Variants in AFG1L observed in about 807,000 individuals in gnomAD.
AFG1L encodes AFG1-like ATPase.
AFG1L carries 53 observed loss-of-function variants against 62.2 expected under a neutral mutation model. That is an observed-to-expected ratio of 0.85 (90% CI 0.68 to 1.07). The LOEUF is 1.07. Ranked by LOEUF, AFG1L falls within the 50% of genes least tolerant of loss-of-function variation. AFG1L has a pLI of 0.00. For missense variants in AFG1L, 555 were observed against 590.5 expected (o/e 0.94, Z 0.62); for synonymous variants, 228 against 210.3 (o/e 1.08, Z -0.73).
At position 108,484,799 on chromosome 6, in the gene AFG1L, A is replaced by G. The variant is rs746576170; in HGVS notation, c.1062+7507A>G. On this transcript the variant is annotated intron_variant, in intron 10 of 12. Transcript: ENST00000368977. ...TTATATGAATTTATTTTGTTCTGAT[A>G]TTTTATACATAAAAGAAAAAGTGAA... is the stretch of plus-strand genomic sequence containing the variant. 1.3e-4 allele frequency among the ~76,000 whole-genome samples: 20 copies of G among 152,306 alleles called. 1 individual carries two copies. The Middle Eastern group carries it at 0.024, about 181-fold the overall frequency.
chr6:108,381,072 C>T (rs1016442571), intron 6 of AFG1L, among the ~76,000 whole-genome samples: 4 of 152,218 alleles, frequency 2.6e-5, no homozygotes, highest in Non-Finnish European at 5.9e-5. Context: ...AGGCTGAAAG[C>T]CGCTAATCCA....
intron 8 of AFG1L, among the ~76,000 whole-genome samples, chr6:108,474,469 C>T (rs1038765799): frequency 2.0e-5 from 3 of 152,132 alleles, no homozygotes; most frequent in African/African-American, 2.4e-5. Context: ...TACTGTCTTC[C>T]ACAATGGTTG....
intron 1 of AFG1L, among the ~76,000 whole-genome samples, chr6:108,298,714 G>A (rs2114812354): frequency 6.6e-6 from 1 of 152,304 alleles, no homozygotes; most frequent in South Asian, 2.1e-4. Context: ...AGATGTCTAA[G>A]CTCAGTGGGA....
chr6:108,397,885 G>A (rs1582514606), intron 6 of AFG1L, among the ~76,000 whole-genome samples: 1 of 152,040 alleles, frequency 6.6e-6, no homozygotes, highest in East Asian at 1.9e-4. Flanking sequence ...TCAAAATCTT[G>A]GTTATTGTGA....
At chr6:108,422,943 A>G (rs1770667366) in intron 7 of AFG1L, among the ~76,000 whole-genome samples, 1 of 152,050 alleles carries the variant, frequency 6.6e-6, no homozygotes. Flanking sequence ...CATTTGTAGA[A>G]TAAAGTAGCC....
At chr6:108,316,367 C>T (rs1777596742) in intron 1 of AFG1L, among the ~76,000 whole-genome samples, 2 of 83,380 alleles carry the variant, frequency 2.4e-5, no homozygotes, top group Non-Finnish European at 4.1e-5. Context: ...GGCGACAGAG[C>T]GAGACTCCGT....
chr6:108,401,296 C>T lies in AFG1L; in HGVS notation c.749-700C>T, dbSNP rs958081852. ...TAGCTGGGACTAGAGGCGCCCGCCA[C>T]CGCGCCCGGCTAATTTTTTGTATTT... On this transcript the variant is annotated intron_variant, in intron 6 of 12. Transcript: ENST00000368977. Among the ~76,000 whole-genome samples, 16 of 151,836 alleles carry T rather than the reference C, an allele frequency of 1.1e-4. No individual in the cohort carries two copies. In the East Asian group the frequency reaches 1.7e-3, roughly 17 times the overall value.
At chr6:108,492,237 C>A (rs987894586) in intron 10 of AFG1L, among the ~76,000 whole-genome samples, 1 of 152,172 alleles carries the variant, frequency 6.6e-6, no homozygotes, top group African/African-American at 2.4e-5. Flanking sequence ...CCTGACCTTG[C>A]ACTATGCAGC....
intron 10 of AFG1L, among the ~76,000 whole-genome samples, chr6:108,490,308 C>G (rs911331425): frequency 6.6e-6 from 1 of 152,050 alleles, no homozygotes; most frequent in East Asian, 1.9e-4. Flanking sequence ...TGTAGTGAGC[C>G]GAAATCACGC....
intron 7 of AFG1L, among the ~76,000 whole-genome samples, chr6:108,426,971 G>C (rs529827894): frequency 1.3e-5 from 2 of 152,094 alleles, no homozygotes; most frequent in South Asian, 4.2e-4. Flanking sequence ...CAAACATATA[G>C]TTTTGTTTTG....
chr6:108,474,859 G>GT (rs1229148739), intron 8 of AFG1L, among the ~76,000 whole-genome samples: 6 of 152,116 alleles, frequency 3.9e-5, no homozygotes, highest in Admixed American at 2.0e-4. Context: ...TCTGATGATA[G>GT]TTTCTTTTGC....
intron 7 of AFG1L, among the ~76,000 whole-genome samples, chr6:108,407,636 C>T (rs1195543366): frequency 1.3e-5 from 2 of 151,540 alleles, no homozygotes; most frequent in Non-Finnish European, 2.9e-5. Flanking sequence ...AGTGAGCCAT[C>T]ATTGTGTCAC....
chr6:108,438,546 C>CT (rs564636577), intron 7 of AFG1L, among the ~76,000 whole-genome samples: 28 of 149,698 alleles, frequency 1.9e-4, no homozygotes, highest in Admixed American at 9.4e-4. Context: ...CATAATATTA[C>CT]TTTTTTTTTT....
intron 7 of AFG1L, among the ~76,000 whole-genome samples, chr6:108,406,772 A>G (rs1407131274): frequency 6.6e-6 from 1 of 152,186 alleles, no homozygotes; most frequent in Non-Finnish European, 1.5e-5. Flanking sequence ...GCAACATCTC[A>G]TTCTACAAAA....
chr6:108,483,304 T>C (rs75883426), intron 10 of AFG1L, among the ~76,000 whole-genome samples: 3,746 of 152,306 alleles, frequency 0.025, 147 homozygotes, highest in African/African-American at 0.085. Context: ...TTAAATGAAT[T>C]AATATTTTAA....
chr6:108,356,439 T>TG (rs989000849), intron 4 of AFG1L, among the ~76,000 whole-genome samples: 2 of 152,228 alleles, frequency 1.3e-5, no homozygotes, highest in African/African-American at 4.8e-5. Flanking sequence ...TTGTCATTTC[T>TG]GAAATGATTA....
chr6:108,356,667 G>C, intron 4 of AFG1L, 23 bp from the exon 5 acceptor site: 1 of 1,549,602 alleles, frequency 6.5e-7, no homozygotes, highest in Non-Finnish European at 8.7e-7. Flanking sequence ...TATTTCATCT[G>C]TGTTTAATTT....
chr6:108,407,819 T>A (rs369769758), intron 7 of AFG1L, among the ~76,000 whole-genome samples: 1 of 152,204 alleles, frequency 6.6e-6, no homozygotes, highest in Non-Finnish European at 1.5e-5. Flanking sequence ...CTTTTATATA[T>A]AATTTCCAGA....
chr6:108,385,528 T>C (rs1562124186), intron 6 of AFG1L, among the ~76,000 whole-genome samples: 1 of 152,218 alleles, frequency 6.6e-6, no homozygotes, highest in East Asian at 1.9e-4. Context: ...AAAAAATGCT[T>C]ATCACTGGCT....
Sources: allele counts gnomAD v4.1 joint callset (sites outside exome capture counted in the v4.1 genomes callset), GRCh38; gene constraint gnomAD v4.1.1; transcripts MANE v1.5; gene names NCBI Gene and HGNC (gene_info 2026-07-23, HGNC 2026-07-21).